NUDT7: variants seen among roughly 807,000 people sequenced by gnomAD.
The protein encoded by NUDT7 is peroxisomal coenzyme A diphosphatase NUDT7.
In NUDT7, 19 loss-of-function variants were observed where a neutral mutation model predicts 13.1. The ratio of observed to expected loss-of-function variants is 1.45; its 90% confidence interval spans 1.01 to 2.13. NUDT7 has a LOEUF of 2.13. Ranked by LOEUF, NUDT7 falls within the 30% of genes most tolerant of loss-of-function variation. NUDT7 has a pLI of 0.00. For synonymous variants in NUDT7, 132 were observed against 109.7 expected, an observed-to-expected ratio of 1.20 and a Z score of -1.27; for missense variants, 360 against 291.7, an observed-to-expected ratio of 1.23 and a Z score of -1.71.
At chr16:77,739,883 G>A (rs1321297305) in intron 3 of NUDT7, among the ~76,000 whole-genome samples, 2 of 152,116 alleles carry the variant, frequency 1.3e-5, no homozygotes, top group African/African-American at 4.8e-5. Context: ...CAGCTCCCTT[G>A]TCTCCATGTG....
intron 3 of NUDT7, 187 bp downstream of exon 3, chr16:77,736,173 G>A (rs1016101053): frequency 3.9e-5 from 21 of 538,614 alleles, no homozygotes; most frequent in South Asian, 2.1e-4. Flanking sequence ...TTGCCTCTCC[G>A]GACCCCTCTT....
chr16:77,740,739 G>T (rs889040992), intron 3 of NUDT7, among the ~76,000 whole-genome samples: 1 of 151,752 alleles, frequency 6.6e-6, no homozygotes, highest in Admixed American at 6.6e-5. Flanking sequence ...GTAGAGACGG[G>T]ATTTCATCAT....
intron 2 of NUDT7, among the ~76,000 whole-genome samples, chr16:77,727,164 A>G (rs2014164590): frequency 6.6e-6 from 1 of 152,190 alleles, no homozygotes; most frequent in Admixed American, 6.5e-5. Context: ...AGATTTGGGC[A>G]AGGACAAATA....
intron 2 of NUDT7, among the ~76,000 whole-genome samples, chr16:77,726,868 T>G (rs2014153300): frequency 6.6e-6 from 1 of 152,054 alleles, no homozygotes; most frequent in Non-Finnish European, 1.5e-5. Context: ...TTTCATTGAG[T>G]CATGGTTCTG....
chr16:77,733,780 C>G (rs1177937068), intron 2 of NUDT7, among the ~76,000 whole-genome samples: 2 of 152,198 alleles, frequency 1.3e-5, no homozygotes, highest in Non-Finnish European at 2.9e-5. Flanking sequence ...TGGAAAGAGG[C>G]AGACCCAGGA....
In NUDT7 at chr16:77,741,727, G is replaced by A. The variant is rs993045887; in HGVS notation, c.494G>A (p.Arg165His). The change falls in exon 4 of 4, where the codon CGT (arginine) becomes CAT (histidine). Residue 165 changes from arginine (R) to histidine (H), a missense_variant. Arg to His is a conservative substitution (Grantham distance 29, BLOSUM62 0). Transcript: ENST00000268533. ...PQVHDQHYVT[R>H]LGHRFINHIF... ...GTCCATGACCAGCATTACGTCACAC[G>A]TCTTGGTCACCGTTTTATTAATCAT... The A allele has an allele frequency of 9.3e-6, 15 of 1,613,860 alleles. No homozygotes were observed. The Middle Eastern group carries it at 4.9e-4, about 53-fold the overall frequency.
Position 77,722,621 on chromosome 16 carries a change from A to G in NUDT7, c.35+4A>G. 6.3e-7 allele frequency: 1 copy of G among 1,592,858 alleles called. No homozygotes were observed. The highest frequency in any genetic ancestry group is 8.6e-7 in the Non-Finnish European group (1 of 1,169,086). On this transcript the variant is annotated splice_donor_region_variant and intron_variant, in intron 1 of 3. Coordinates refer to ENST00000268533, the MANE Select transcript of NUDT7 (RefSeq NM_001105663.3). ...GTCTTCCCGAGGAGCCAGTCAGGTA[A>G]AGGCTTTCCGGGCCCTGGCACCCCG... is the stretch of plus-strand genomic sequence containing the variant.
chr16:77,742,000 T>A lies in NUDT7; in HGVS notation c.*50T>A. The A allele has an allele frequency of 2.0e-6, 3 of 1,511,930 alleles. No individual in the cohort carries two copies. The highest frequency in any genetic ancestry group is 2.6e-6 in the Non-Finnish European group (3 of 1,138,148). The allele number at this position is 1,511,930 out of a possible 1,614,324, so 93.7% of individuals were successfully genotyped here. On this transcript the variant is annotated 3_prime_UTR_variant, in exon 4 of 4. Transcript: ENST00000268533. ...CTATTCACGAGGATTCTGTGTGTGC[T>A]TATTCGTAGAACAACAACAATGCCA...
Position 77,741,681 on chromosome 16 carries a change from G to A in NUDT7, c.448G>A (p.Ala150Thr). 1.2e-6 allele frequency: 2 copies of A among 1,614,050 alleles called. No homozygotes were observed. The highest frequency in any genetic ancestry group is 1.7e-6 in the Non-Finnish European group (2 of 1,180,016). ...EVKDVFLVPL[A>T]YFLHPQVHDQ... ...TAAGGATGTATTCCTGGTGCCTCTG[G>A]CCTATTTCCTGCATCCACAGGTCCA... The change falls in exon 4 of 4, where the codon GCC becomes ACC. Residue 150 changes from alanine (A) to threonine (T), a missense_variant. Ala to Thr is a moderately conservative substitution (Grantham distance 58). Transcript: ENST00000268533.
In NUDT7 at chr16:77,741,764, C is replaced by T. The variant is rs868657610; in HGVS notation, c.531C>T (p.Tyr177=). 6.2e-7 allele frequency: 1 copy of T among 1,614,090 alleles called. No individual in the cohort carries two copies. Among genetic ancestry groups the T allele is most frequent in the South Asian group, 1.1e-5 (1 of 91,064 alleles). Residue 177 remains tyrosine (Y), a synonymous_variant, in exon 4 of 4, where the codon TAC becomes TAT. Transcript: ENST00000268533. Reference sequence around the variant, plus strand: ...GTTTTATTAATCATATCTTTGAGTACACAAACCCTGAAGACGGTGTCACTT... The same window carrying T: ...GTTTTATTAATCATATCTTTGAGTATACAAACCCTGAAGACGGTGTCACTT... ...GHRFINHIFE[Y]TNPEDGVTYQ...
chr16:77,722,863 C>G (rs2014004146), intron 1 of NUDT7, among the ~76,000 whole-genome samples: 1 of 152,206 alleles, frequency 6.6e-6, no homozygotes, highest in Non-Finnish European at 1.5e-5. Context: ...CCCTTCCCAG[C>G]CGGCTTGGCT....
chr16:77,734,443 G>A (rs914536192), intron 2 of NUDT7, among the ~76,000 whole-genome samples: 12 of 152,162 alleles, frequency 7.9e-5, no homozygotes, highest in Non-Finnish European at 1.6e-4. Context: ...CTAACATGGT[G>A]AAACCCCGTC....
At chr16:77,725,371 A>C in intron 1 of NUDT7, 60 bp from the exon 2 acceptor site, 1 of 1,495,574 alleles carries the variant, frequency 6.7e-7, no homozygotes. Context: ...AGGCAGGACT[A>C]TAAGCTTTTT....
intron 2 of NUDT7, among the ~76,000 whole-genome samples, chr16:77,730,248 T>G (rs1382573947): frequency 2.0e-5 from 3 of 152,164 alleles, no homozygotes; most frequent in Non-Finnish European, 2.9e-5. Context: ...TGGCTGAAAC[T>G]TTTTATCTTT....
chr16:77,734,148 C>A (rs79802709), intron 2 of NUDT7, among the ~76,000 whole-genome samples: 15,362 of 152,046 alleles, frequency 0.1, 855 homozygotes, highest in African/African-American at 0.16. Flanking sequence ...CTAATAGCTC[C>A]AGGGCCTATA....
At chr16:77,727,790 G>C (rs2014184667) in intron 2 of NUDT7, among the ~76,000 whole-genome samples, 1 of 152,160 alleles carries the variant, frequency 6.6e-6, no homozygotes, top group African/African-American at 2.4e-5. Context: ...CTGGGAGGTG[G>C]AGGTTGCATT....
chr16:77,722,998 G>C (rs1279498708), intron 1 of NUDT7, among the ~76,000 whole-genome samples: 1 of 152,182 alleles, frequency 6.6e-6, no homozygotes, highest in East Asian at 1.9e-4. Context: ...GGGTCTGTCA[G>C]TTTCGTAAAC....
intron 2 of NUDT7, among the ~76,000 whole-genome samples, chr16:77,732,708 G>A (rs1015435754): frequency 2.0e-5 from 3 of 152,214 alleles, no homozygotes; most frequent in Non-Finnish European, 4.4e-5. Context: ...CCAGGTTTGT[G>A]CAAGTGCACC....
chr16:77,733,345 A>G (rs1339278382), intron 2 of NUDT7, among the ~76,000 whole-genome samples: 1 of 152,150 alleles, frequency 6.6e-6, no homozygotes, highest in Non-Finnish European at 1.5e-5. Context: ...CAGTTCATAG[A>G]TAGTCATCCT....
Sources: gnomAD v4.1 joint callset for allele counts (sites outside exome capture counted in the v4.1 genomes callset) on GRCh38, gnomAD v4.1.1 for gene constraint, MANE v1.5 for transcripts, NCBI Gene and HGNC (gene_info 2026-07-23, HGNC 2026-07-21) for gene names.